The following CNTNAP2 variants were observed in gnomAD, a reference collection of about 807,000 sequenced individuals.
CNTNAP2 encodes contactin-associated protein-like 2.
Under a neutral mutation model 155.2 loss-of-function variants are expected in CNTNAP2, and 98 were observed. That is an observed-to-expected ratio of 0.63 (90% CI 0.54 to 0.75). The LOEUF (loss-of-function observed/expected upper bound fraction) is 0.75. CNTNAP2 is among the 30% of genes least tolerant of loss of function. The pLI is 0.00. For synonymous variants in CNTNAP2, 651 were observed against 631.2 expected (o/e 1.03, Z -0.47); for missense variants, 1,727 against 1,688.1 (o/e 1.02, Z -0.40).
chr7:147,825,385 C>T (rs17825182), intron 13 of CNTNAP2, among the ~76,000 whole-genome samples: 26,331 of 152,066 alleles, frequency 0.17, 2,375 homozygotes, highest in Admixed American at 0.21. Context: ...TTTTATATTA[C>T]AATTGCATCT....
chr7:146,634,179 T>C (rs1227745282), intron 1 of CNTNAP2, among the ~76,000 whole-genome samples: 1 of 152,230 alleles, frequency 6.6e-6, no homozygotes, highest in Admixed American at 6.5e-5. Context: ...AAATCAGCTG[T>C]TCACTATGAG....
intron 13 of CNTNAP2, among the ~76,000 whole-genome samples, chr7:147,662,522 G>A (rs1270812478): frequency 1.3e-5 from 2 of 152,162 alleles, no homozygotes; most frequent in African/African-American, 2.4e-5. Context: ...AGAACATCAG[G>A]CCTCCCATCC....
intron 1 of CNTNAP2, among the ~76,000 whole-genome samples, chr7:146,306,277 C>G (rs1201977000): frequency 6.6e-6 from 1 of 152,092 alleles, no homozygotes; most frequent in East Asian, 1.9e-4. Flanking sequence ...CCAAAAACGT[C>G]CAGGACCAGA....
At chr7:147,351,911 G>A (rs1164062289) in intron 9 of CNTNAP2, among the ~76,000 whole-genome samples, 1 of 151,878 alleles carries the variant, frequency 6.6e-6, no homozygotes, top group Non-Finnish European at 1.5e-5. Context: ...TGTGATTTAA[G>A]GTGAAAATCT....
chr7:147,213,795 A>G (rs1459835869), intron 8 of CNTNAP2, among the ~76,000 whole-genome samples: 1 of 152,128 alleles, frequency 6.6e-6, no homozygotes, highest in Non-Finnish European at 1.5e-5. Flanking sequence ...AACCTATGAC[A>G]TAACTCTCAG....
At chr7:147,954,083 G>C (rs1476604390) in intron 14 of CNTNAP2, among the ~76,000 whole-genome samples, 1 of 152,170 alleles carries the variant, frequency 6.6e-6, no homozygotes. Flanking sequence ...GGATAGAAGG[G>C]AGATGAGCAG....
chr7:147,158,814 A>G (rs935270735), intron 8 of CNTNAP2, among the ~76,000 whole-genome samples: 1 of 152,122 alleles, frequency 6.6e-6, no homozygotes, highest in Non-Finnish European at 1.5e-5. Context: ...CAATACACTT[A>G]GAAGATAAGG....
In CNTNAP2 at chr7:148,353,671, A is replaced by G. The variant is rs200086717; in HGVS notation, c.3476-29978A>G. On this transcript the variant is annotated intron_variant, in intron 21 of 23. Coordinates refer to ENST00000361727, the MANE Select transcript of CNTNAP2 (RefSeq NM_014141.6). Reference sequence around the variant, plus strand: ...TGAGTTTTCACACACACACACACGCACACACAAGTATCAGGAAACAAAAAG... The same window carrying G: ...TGAGTTTTCACACACACACACACGCGCACACAAGTATCAGGAAACAAAAAG... 2.1e-5 allele frequency among the ~76,000 whole-genome samples: 3 copies of G among 140,992 alleles called. No homozygotes were observed. The East Asian group carries it at 6.6e-4, about 31-fold the overall frequency. The allele number at this position is 140,992 out of a possible 152,430, so 92.5% of individuals were successfully genotyped here.
rs1014626954 is a variant in CNTNAP2 at position 147,412,275 on chromosome 7, G to A, written c.1670+16495G>A. On this transcript the variant is annotated intron_variant, in intron 10 of 23. Transcript: ENST00000361727. ...ACTCTCCTCCATCCCCTCTAGCCACGCTGGCCTGTGCTCAGTGCCTCAGAT... is the reference window on the plus strand; with the variant it reads ...ACTCTCCTCCATCCCCTCTAGCCACACTGGCCTGTGCTCAGTGCCTCAGAT... Among the ~76,000 whole-genome samples the A allele has an allele frequency of 2.6e-5, 4 of 152,160 alleles. No homozygotes were observed. The South Asian group carries it at 8.3e-4, about 32-fold the overall frequency.
chr7:146,689,438 A>G (rs1237578300), intron 1 of CNTNAP2, among the ~76,000 whole-genome samples: 5 of 150,102 alleles, frequency 3.3e-5, no homozygotes, highest in Non-Finnish European at 7.4e-5. Flanking sequence ...AAAACAAAGG[A>G]AAAAAAAAAT....
At chr7:146,136,022 C>T (rs1797792117) in intron 1 of CNTNAP2, among the ~76,000 whole-genome samples, 1 of 151,894 alleles carries the variant, frequency 6.6e-6, no homozygotes, top group Non-Finnish European at 1.5e-5. Flanking sequence ...GTAAATAGCC[C>T]CCAATTATAT....
At chr7:148,032,780 T>A (rs1224620487) in intron 15 of CNTNAP2, among the ~76,000 whole-genome samples, 1 of 152,156 alleles carries the variant, frequency 6.6e-6, no homozygotes, top group Non-Finnish European at 1.5e-5. Flanking sequence ...TGCTTGCCAG[T>A]TTTAGGGGTT....
intron 21 of CNTNAP2, among the ~76,000 whole-genome samples, chr7:148,336,551 A>AAAAAG (rs10693395): frequency 0.48 from 70,526 of 145,544 alleles, 16,906 homozygotes; most frequent in South Asian, 0.6. Flanking sequence ...GATGAAAAAG[A>AAAAAG]AAAAAAAAAA....
intron 14 of CNTNAP2, among the ~76,000 whole-genome samples, chr7:147,944,653 T>A (rs370702473): frequency 7.9e-5 from 12 of 152,364 alleles, no homozygotes; most frequent in East Asian, 1.9e-4. Flanking sequence ...ACTTTTCTAG[T>A]CTGCCATTGT....
chr7:147,981,683 T>C (rs970476636), intron 15 of CNTNAP2, among the ~76,000 whole-genome samples: 6 of 152,214 alleles, frequency 3.9e-5, no homozygotes, highest in African/African-American at 1.4e-4. Context: ...TTGATTCGTC[T>C]GAACTCAGAC....
At chr7:147,694,420 T>G (rs1344494714) in intron 13 of CNTNAP2, among the ~76,000 whole-genome samples, 1 of 152,130 alleles carries the variant, frequency 6.6e-6, no homozygotes, top group Non-Finnish European at 1.5e-5. Context: ...AGAATTGATA[T>G]AAATTTCTTC....
chr7:146,344,638 C>T (rs1002578045), intron 1 of CNTNAP2, among the ~76,000 whole-genome samples: 3 of 151,968 alleles, frequency 2.0e-5, no homozygotes, highest in African/African-American at 4.8e-5. Context: ...GCCACCATGC[C>T]CTGCTAATTT....
chr7:146,337,568 C>T (rs1801298666), intron 1 of CNTNAP2, among the ~76,000 whole-genome samples: 1 of 152,192 alleles, frequency 6.6e-6, no homozygotes. Flanking sequence ...ATGTGATACT[C>T]CAACCTCAGC....
chr7:148,372,625 T>C (rs1250646457), intron 21 of CNTNAP2, among the ~76,000 whole-genome samples: 1 of 152,082 alleles, frequency 6.6e-6, no homozygotes, highest in African/African-American at 2.4e-5. Context: ...GGAGAATTGC[T>C]TGAACCCAGG....
Sources: allele counts gnomAD v4.1 joint callset (sites outside exome capture counted in the v4.1 genomes callset), GRCh38; gene constraint gnomAD v4.1.1; transcripts MANE v1.5; gene names NCBI Gene and HGNC (gene_info 2026-07-23, HGNC 2026-07-21).